Variants in HERC3 observed in about 807,000 individuals in gnomAD.
The protein encoded by HERC3 is HECT and RLD domain containing E3 ubiquitin protein ligase 3.
Under a neutral mutation model 129.9 loss-of-function variants are expected in HERC3, and 58 were observed. The observed-to-expected ratio is 0.45, with a 90% CI of 0.36 to 0.56. The LOEUF is 0.56. HERC3 is among the 20% of genes least tolerant of loss of function. The pLI, the probability that HERC3 is intolerant of heterozygous loss-of-function variation, is 0.00. For synonymous variants in HERC3, 430 were observed against 451.0 expected, an observed-to-expected ratio of 0.95 and a Z score of 0.59; for missense variants, 835 against 1,244.2, an observed-to-expected ratio of 0.67 and a Z score of 4.95.
At chr4:88,694,736 A>C (rs1447287825) in intron 23 of HERC3, among the ~76,000 whole-genome samples, 2 of 152,228 alleles carry the variant, frequency 1.3e-5, no homozygotes, top group African/African-American at 2.4e-5. Context: ...CAGTCTTACT[A>C]TCCAAAGGCT....
intron 23 of HERC3, chr4:88,697,297 T>C: frequency 6.2e-7 from 1 of 1,607,458 alleles, no homozygotes; most frequent in African/African-American, 1.3e-5. Context: ...CTCCTCCTCG[T>C]CTTCCCCCTC....
At chr4:88,655,392 G>C (rs1310330214) in intron 8 of HERC3, 88 bp downstream of exon 8, 1 of 1,425,846 alleles carries the variant, frequency 7.0e-7, no homozygotes, top group East Asian at 2.3e-5. Flanking sequence ...ATTATACCTA[G>C]TCACCGTCAT....
At chr4:88,590,798 G>C (rs1199800152), upstream of HERC3, among the ~76,000 whole-genome samples, 1 of 152,038 alleles carries the variant, frequency 6.6e-6, no homozygotes, top group Non-Finnish European at 1.5e-5. Flanking sequence ...CTTTGTAATA[G>C]ACTAAACTTT....
chr4:88,660,987 G>A (rs1730436483), intron 10 of HERC3, among the ~76,000 whole-genome samples: 1 of 152,124 alleles, frequency 6.6e-6, no homozygotes, highest in African/African-American at 2.4e-5. Context: ...TTAAAGACAG[G>A]AAGAATGATG....
intron 23 of HERC3, among the ~76,000 whole-genome samples, chr4:88,688,563 G>C (rs1209538041): frequency 6.6e-6 from 1 of 152,090 alleles, no homozygotes; most frequent in African/African-American, 2.4e-5. Flanking sequence ...TAATGCTGAG[G>C]TTTCTAATTC....
chr4:88,556,330 TAA>T, the HERC3 span, among the ~76,000 whole-genome samples: 1 of 152,324 alleles, frequency 6.6e-6, no homozygotes, highest in East Asian at 1.9e-4. Flanking sequence ...AATAATGGGT[TAA>T]GACATGAACA....
At chr4:88,619,857 A>G (rs565508241) in intron 3 of HERC3, among the ~76,000 whole-genome samples, 4 of 152,360 alleles carry the variant, frequency 2.6e-5, no homozygotes, top group East Asian at 3.9e-4. Flanking sequence ...GGAAATAGGA[A>G]TGAAAACGAG....
At chr4:88,705,806 T>C (rs1019006990) in intron 25 of HERC3, among the ~76,000 whole-genome samples, 2 of 152,218 alleles carry the variant, frequency 1.3e-5, no homozygotes, top group African/African-American at 2.4e-5. Flanking sequence ...ATGGAGCATA[T>C]ATTAGTATTA....
chr4:88,595,074 C>T (rs577699860), intron 1 of HERC3, among the ~76,000 whole-genome samples: 1 of 123,168 alleles, frequency 8.1e-6, no homozygotes, highest in African/African-American at 3.1e-5. Flanking sequence ...GCACTCCAGC[C>T]TGGGTGAAAG....
Position 88,678,045 on chromosome 4 carries a change from G to C in HERC3, c.2107G>C (p.Val703Leu), listed in dbSNP as rs774960399. The change falls in exon 19 of 26, where the codon GTC (valine) becomes CTC (leucine). Residue 703 changes from valine (V) to leucine (L), a missense_variant. Coordinates refer to ENST00000402738, the MANE Select transcript of HERC3 (RefSeq NM_014606.3). ...EPLLARSPFL[V>L]LHVRRNNLVG... is the part of the protein sequence containing the mutation. ...TCTGCTGGCCAGAAGCCCCTTCCTG[G>C]TCCTTCACGTTCGCAGGAACAACCT... 2 of 1,613,894 alleles carry C rather than the reference G, an allele frequency of 1.2e-6. No homozygotes were observed. The highest frequency in any genetic ancestry group is 2.2e-5 in the South Asian group (2 of 91,076).
the HERC3 span, among the ~76,000 whole-genome samples, chr4:88,536,763 A>AT: frequency 2.7e-5 from 3 of 111,186 alleles, no homozygotes; most frequent in African/African-American, 2.0e-4. Flanking sequence ...AAGCACAATG[A>AT]ATTTTTTTTC....
intron 23 of HERC3, chr4:88,697,922 A>G (rs1734835904): frequency 2.3e-6 from 2 of 867,654 alleles, no homozygotes; most frequent in African/African-American, 1.7e-5. Flanking sequence ...CTGGCTTCCC[A>G]CTATCAGCTG....
chr4:88,555,598 T>C, the HERC3 span, among the ~76,000 whole-genome samples: 1 of 152,228 alleles, frequency 6.6e-6, no homozygotes, highest in African/African-American at 2.4e-5. Flanking sequence ...AAAGGTTCTT[T>C]TAAAAAGGTA....
At chr4:88,549,954 G>C in the HERC3 span, among the ~76,000 whole-genome samples, 15 of 152,190 alleles carry the variant, frequency 9.9e-5, no homozygotes, top group Admixed American at 9.2e-4. Flanking sequence ...ACAGGAGGAA[G>C]AGTCAGCCCA....
At chr4:88,638,688 G>A (rs965830583) in intron 3 of HERC3, among the ~76,000 whole-genome samples, 3 of 152,110 alleles carry the variant, frequency 2.0e-5, no homozygotes, top group Admixed American at 6.5e-5. Flanking sequence ...CACAAGACAA[G>A]GATGCCATCT....
the HERC3 span, among the ~76,000 whole-genome samples, chr4:88,569,127 G>A: frequency 2.2e-4 from 33 of 152,296 alleles, no homozygotes; most frequent in South Asian, 3.5e-3. Context: ...GGGCTAGCTG[G>A]AACTCAAGTT....
intron 3 of HERC3, among the ~76,000 whole-genome samples, chr4:88,648,751 G>A (rs892545553): frequency 6.6e-6 from 1 of 151,702 alleles, no homozygotes; most frequent in Admixed American, 6.6e-5. Context: ...TTTATATCTT[G>A]TGTCTTCTCC....
chr4:88,625,515 A>G (rs535906310), intron 3 of HERC3, among the ~76,000 whole-genome samples: 2 of 152,226 alleles, frequency 1.3e-5, no homozygotes, highest in South Asian at 2.1e-4. Context: ...TGATTTTTGT[A>G]TATTGATCTT....
the HERC3 span, among the ~76,000 whole-genome samples, chr4:88,538,959 TGGCCAAATA>T: frequency 6.6e-6 from 1 of 152,178 alleles, no homozygotes; most frequent in Non-Finnish European, 1.5e-5. Context: ...GCTTCCAAGA[TGGCCAAATA>T]GGAACAGATC....
Sources: gnomAD v4.1 joint callset for allele counts (sites outside exome capture counted in the v4.1 genomes callset) on GRCh38, gnomAD v4.1.1 for gene constraint, MANE v1.5 for transcripts, NCBI Gene and HGNC (gene_info 2026-07-23, HGNC 2026-07-21) for gene names.